The following GPHN variants were observed in gnomAD, a reference collection of about 807,000 sequenced individuals.
GPHN encodes gephyrin.
In GPHN, 17 loss-of-function variants were observed where a neutral mutation model predicts 95.5. That is an observed-to-expected ratio of 0.18 (90% CI 0.12 to 0.27). The LOEUF is 0.27. Among genes scored for constraint, GPHN ranks in the 10% least tolerant of loss-of-function variants. The pLI is 1.00. For missense variants in GPHN, 660 were observed against 978.1 expected (o/e 0.67, Z 4.34); for synonymous variants, 320 against 322.5 (o/e 0.99, Z 0.08).
chr14:66,943,926 C>A (rs572114576), intron 8 of GPHN, among the ~76,000 whole-genome samples: 71 of 152,174 alleles, frequency 4.7e-4, no homozygotes, highest in Middle Eastern at 3.2e-3. Context: ...TCAGAGGGAT[C>A]TATCCACTTT....
At chr14:67,391,542 A>G in the GPHN span, among the ~76,000 whole-genome samples, 4 of 152,170 alleles carry the variant, frequency 2.6e-5, no homozygotes, top group Non-Finnish European at 4.4e-5. Context: ...ATATGCAGGA[A>G]GCAGGTGACA....
At chr14:66,815,798 A>G (rs191677780) in intron 3 of GPHN, among the ~76,000 whole-genome samples, 8 of 152,330 alleles carry the variant, frequency 5.3e-5, no homozygotes, top group Admixed American at 4.6e-4. Flanking sequence ...GATCAAATCC[A>G]CACATATCAA....
At chr14:66,600,038 CT>C (rs1196170783) in intron 1 of GPHN, among the ~76,000 whole-genome samples, 1 of 151,714 alleles carries the variant, frequency 6.6e-6, no homozygotes, top group Non-Finnish European at 1.5e-5. Flanking sequence ...TATTAGAAAC[CT>C]TTGAATTTCT....
chr14:67,480,813 T>C, the GPHN span, among the ~76,000 whole-genome samples: 1 of 152,178 alleles, frequency 6.6e-6, no homozygotes, highest in South Asian at 2.1e-4. Flanking sequence ...CTGCTCTTCT[T>C]GCCTCTGATC....
At chr14:66,801,791 G>GCCCGCT (rs567303785) in intron 3 of GPHN, among the ~76,000 whole-genome samples, 13 of 142,616 alleles carry the variant, frequency 9.1e-5, no homozygotes, top group Admixed American at 2.1e-4. Context: ...TACCATCTAT[G>GCCCGCT]CCCGCTCCCG....
At chr14:66,966,340 T>G (rs2069324714) in intron 9 of GPHN, among the ~76,000 whole-genome samples, 1 of 152,112 alleles carries the variant, frequency 6.6e-6, no homozygotes, top group Non-Finnish European at 1.5e-5. Flanking sequence ...TGTTACAATC[T>G]TCTCAGCAAT....
intron 8 of GPHN, among the ~76,000 whole-genome samples, chr14:66,936,716 C>T (rs535220456): frequency 6.6e-6 from 1 of 152,122 alleles, no homozygotes; most frequent in Non-Finnish European, 1.5e-5. Context: ...AACTAGTAAG[C>T]TGTTACACCA....
intron 2 of GPHN, among the ~76,000 whole-genome samples, chr14:66,740,608 C>T (rs888555462): frequency 6.7e-6 from 1 of 149,804 alleles, no homozygotes; most frequent in South Asian, 2.1e-4. Flanking sequence ...GTGATGTATT[C>T]TAGAACTTTT....
At chr14:67,066,925 C>T (rs2076082393) in intron 11 of GPHN, among the ~76,000 whole-genome samples, 2 of 152,206 alleles carry the variant, frequency 1.3e-5, no homozygotes, top group East Asian at 3.9e-4. Context: ...CTGAAGCCTA[C>T]TTCTGTCAAC....
At chr14:67,559,674 A>G in the GPHN span, 1 of 1,605,876 alleles carries the variant, frequency 6.2e-7, no homozygotes, top group South Asian at 1.1e-5. Flanking sequence ...GGAATGGGTG[A>G]CACTCAAGTT....
At chr14:66,937,787 G>C (rs1227328532) in intron 8 of GPHN, among the ~76,000 whole-genome samples, 3 of 152,090 alleles carry the variant, frequency 2.0e-5, no homozygotes, top group East Asian at 1.9e-4. Flanking sequence ...GATTCTATTA[G>C]GTTGTTAAAA....
rs544116233 is a variant in GPHN, at chr14:66,629,094, T to A, written c.65-52013T>A. Among the ~76,000 whole-genome samples the A allele has an allele frequency of 2.8e-3, 380 of 135,756 alleles. 8 individuals are homozygous for A. Among genetic ancestry groups the A allele is most frequent in the African/African-American group, 9.4e-3 (340 of 36,312 alleles). The allele number at this position is 135,756 out of a possible 152,430, so 89.1% of individuals were successfully genotyped here. A position where few individuals can be genotyped will look rare whatever the true frequency, so the allele number is the denominator to read the frequency against. ...AAAAAAAAATACATATATATATATA[T>A]AAATATATATTTATATACATATATA... On this transcript the variant is annotated intron_variant, in intron 1 of 22. Coordinates refer to ENST00000478722, the MANE Select transcript of GPHN (RefSeq NM_020806.5).
At chr14:67,468,138 T>C in the GPHN span, among the ~76,000 whole-genome samples, 2 of 152,120 alleles carry the variant, frequency 1.3e-5, no homozygotes, top group Non-Finnish European at 2.9e-5. Context: ...CACACCCAGC[T>C]AATTTTTGGA....
chr14:66,983,159 G>A (rs866303255), intron 9 of GPHN, among the ~76,000 whole-genome samples: 3 of 152,112 alleles, frequency 2.0e-5, no homozygotes, highest in East Asian at 1.9e-4. Context: ...GGCTGAGGCC[G>A]GAGAATTGCT....
chr14:67,181,646 A>T lies in GPHN; in HGVS notation c.*709A>T. On this transcript the variant is annotated 3_prime_UTR_variant, in exon 23 of 23. Transcript: ENST00000478722. ...AAATTGTACAGAACAAAAAAATAAA[A>T]TCAAAGACTGATCTTGTACAGATAT... 3.2e-6 allele frequency: 1 copy of T among 312,912 alleles called. No homozygotes were observed. Among genetic ancestry groups the T allele is most frequent in the Non-Finnish European group, 6.3e-6 (1 of 159,172 alleles). The allele number at this position is 312,912 out of a possible 1,614,324, so 19.4% of individuals were successfully genotyped here. A position where few individuals can be genotyped will look rare whatever the true frequency, so the allele number is the denominator to read the frequency against.
At position 66,508,189 on chromosome 14, in the gene GPHN, G is replaced by C. The variant is rs1438837338; in HGVS notation, c.-339G>C. ...GCCATCTAGCTGCCTTGGGTCTCGC[G>C]CTCCGCAGAGCGTTCCGACACTCTC... is the stretch of plus-strand genomic sequence containing the variant. On this transcript the variant is annotated 5_prime_UTR_variant, in exon 1 of 23. Transcript: ENST00000478722. The C allele has an allele frequency of 6.1e-6, 3 of 489,772 alleles. No individual in the cohort carries two copies. The highest frequency in any genetic ancestry group is 2.0e-5 in the African/African-American group (1 of 50,956). The allele number at this position is 489,772 out of a possible 1,614,324, so 30.3% of individuals were successfully genotyped here. A position where few individuals can be genotyped will look rare whatever the true frequency, so the allele number is the denominator to read the frequency against.
chr14:66,634,067 A>G (rs1229182163), intron 1 of GPHN, among the ~76,000 whole-genome samples: 1 of 151,398 alleles, frequency 6.6e-6, no homozygotes, highest in Non-Finnish European at 1.5e-5. Context: ...GAGTTTCCTT[A>G]GGATCATTAT....
the GPHN span, chr14:67,684,796 C>T: frequency 5.3e-6 from 2 of 380,440 alleles, no homozygotes; most frequent in South Asian, 9.7e-5. Context: ...AGAAAACAAA[C>T]AGAATGCATA....
chr14:66,546,542 G>T (rs2059605988), intron 1 of GPHN, among the ~76,000 whole-genome samples: 1 of 152,190 alleles, frequency 6.6e-6, no homozygotes, highest in South Asian at 2.1e-4. Flanking sequence ...GCCGAGGCTG[G>T]CCGGATCACT....
Sources: gnomAD v4.1 joint callset for allele counts (sites outside exome capture counted in the v4.1 genomes callset) on GRCh38, gnomAD v4.1.1 for gene constraint, MANE v1.5 for transcripts, NCBI Gene and HGNC (gene_info 2026-07-23, HGNC 2026-07-21) for gene names.